Variants in NSD3 observed in about 807,000 individuals in gnomAD.
The protein encoded by NSD3 is histone-lysine N-methyltransferase NSD3.
NSD3 carries 24 observed loss-of-function variants against 160.8 expected under a neutral mutation model. That is an observed-to-expected ratio of 0.15 (90% CI 0.11 to 0.21). The LOEUF (loss-of-function observed/expected upper bound fraction) is 0.21, where lower values mean the gene tolerates loss of function less well. Ranked by LOEUF, NSD3 falls within the 10% of genes least tolerant of loss-of-function variation. The pLI is 1.00. For synonymous variants in NSD3, 520 were observed against 600.0 expected, an observed-to-expected ratio of 0.87 and a Z score of 1.95; for missense variants, 1,157 against 1,735.9, an observed-to-expected ratio of 0.67 and a Z score of 5.93.
At chr8:38,358,317 A>G (rs532147703) in intron 1 of NSD3, among the ~76,000 whole-genome samples, 2 of 152,298 alleles carry the variant, frequency 1.3e-5, no homozygotes, top group South Asian at 4.1e-4. Context: ...GATTTTCACA[A>G]CACAGAGGAA....
intron 1 of NSD3, among the ~76,000 whole-genome samples, chr8:38,375,036 A>G (rs1811355780): frequency 6.6e-6 from 1 of 152,106 alleles, no homozygotes; most frequent in Admixed American, 6.5e-5. Flanking sequence ...TAAATAAATA[A>G]TAATTCTTGT....
intron 12 of NSD3, among the ~76,000 whole-genome samples, chr8:38,310,948 A>T (rs1392576225): frequency 6.6e-6 from 1 of 151,814 alleles, no homozygotes; most frequent in African/African-American, 2.4e-5. Flanking sequence ...AACAATGCAC[A>T]AGGGTTCCAA....
intron 17 of NSD3, among the ~76,000 whole-genome samples, chr8:38,289,910 A>G (rs1325480160): frequency 6.6e-6 from 1 of 152,188 alleles, no homozygotes; most frequent in East Asian, 1.9e-4. Context: ...AAGGAACTTC[A>G]CTTGATTAAA....
chr8:38,300,594 G>A (rs1183423048), intron 14 of NSD3, among the ~76,000 whole-genome samples: 1 of 152,114 alleles, frequency 6.6e-6, no homozygotes, highest in Non-Finnish European at 1.5e-5. Context: ...CAATCTTTTT[G>A]ATCTACCAAT....
At chr8:38,334,773 A>C (rs1381204054) in intron 4 of NSD3, among the ~76,000 whole-genome samples, 1 of 152,058 alleles carries the variant, frequency 6.6e-6, no homozygotes, top group African/African-American at 2.4e-5. Context: ...AACAAACAAA[A>C]AAAACAGGTG....
At chr8:38,313,045 T>A (rs1809570954) in intron 12 of NSD3, among the ~76,000 whole-genome samples, 1 of 152,214 alleles carries the variant, frequency 6.6e-6, no homozygotes, top group Non-Finnish European at 1.5e-5. Flanking sequence ...AATAAAACGA[T>A]GTGCAGATAA....
At chr8:38,289,330 T>C (rs564550566) in intron 18 of NSD3, 63 bp downstream of exon 18, 13 of 1,406,518 alleles carry the variant, frequency 9.2e-6, no homozygotes, top group East Asian at 2.3e-5. Context: ...AATGCTTTCA[T>C]AGTAAAGACT....
rs1379052622 is a variant in NSD3, at chr8:38,273,171, T to G, written c.*2470A>C. ...TGCCACCATGCCCGGCTCCTTTTTGTATTTTTAGCAGAGACAGGGTTTCAC... is the reference window on the plus strand; with the variant it reads ...TGCCACCATGCCCGGCTCCTTTTTGGATTTTTAGCAGAGACAGGGTTTCAC... On this transcript the variant is annotated 3_prime_UTR_variant, in exon 24 of 24. Transcript: ENST00000317025. 1 of 152,200 alleles carries G rather than the reference T, an allele frequency of 6.6e-6. No individual in the cohort carries two copies. The highest frequency in any genetic ancestry group is 1.9e-4 in the East Asian group (1 of 5,202). 9.4% of individuals were successfully genotyped at this position (152,200 alleles called of 1,614,324 possible). A position where few individuals can be genotyped will look rare whatever the true frequency, so the allele number is the denominator to read the frequency against.
intron 1 of NSD3, among the ~76,000 whole-genome samples, chr8:38,373,934 CAAAAAAAA>C (rs61532119): frequency 1.6e-3 from 41 of 25,146 alleles, no homozygotes; most frequent in African/African-American, 5.2e-3. Flanking sequence ...TCTGTCTCTA[CAAAAAAAA>C]AAAAAAAAAA....
rs906450648 is a variant in NSD3, at chr8:38,274,516, C to T, written c.*1125G>A. ...TCTTTACATGTAACCTGGGGATGCC[C>T]CTACTACTTTCACCCCCCAAATTAG... is the stretch of plus-strand genomic sequence containing the variant. On this transcript the variant is annotated 3_prime_UTR_variant, in exon 24 of 24. Transcript: ENST00000317025. 2 of 152,148 alleles carry T rather than the reference C, an allele frequency of 1.3e-5. No homozygotes were observed. Among genetic ancestry groups the T allele is most frequent in the South Asian group, 4.1e-4 (2 of 4,826 alleles). 9.4% of individuals were successfully genotyped at this position (152,148 alleles called of 1,614,324 possible). A position where few individuals can be genotyped will look rare whatever the true frequency, so the allele number is the denominator to read the frequency against.
chr8:38,287,651 C>T (rs1177821030), intron 19 of NSD3, among the ~76,000 whole-genome samples: 2 of 151,480 alleles, frequency 1.3e-5, no homozygotes, highest in Non-Finnish European at 2.9e-5. Flanking sequence ...AAATTACAAA[C>T]CTGATTTTTT....
intron 16 of NSD3, among the ~76,000 whole-genome samples, chr8:38,294,023 T>A (rs1448688213): frequency 6.6e-6 from 1 of 151,894 alleles, no homozygotes; most frequent in Non-Finnish European, 1.5e-5. Flanking sequence ...GAATAGTATC[T>A]ATTTTCTTTG....
chr8:38,341,487 G>A (rs925141757), intron 2 of NSD3, among the ~76,000 whole-genome samples: 1 of 150,342 alleles, frequency 6.7e-6, no homozygotes, highest in African/African-American at 2.5e-5. Flanking sequence ...GCACTGAGCT[G>A]AGATTACACC....
At chr8:38,324,901 T>C (rs1175428675) in intron 7 of NSD3, among the ~76,000 whole-genome samples, 7 of 152,238 alleles carry the variant, frequency 4.6e-5, no homozygotes, top group Admixed American at 2.0e-4. Context: ...CGAAGGTGCC[T>C]GTAGGGTGGC....
At chr8:38,356,244 G>A (rs1168902658) in intron 1 of NSD3, among the ~76,000 whole-genome samples, 3 of 152,104 alleles carry the variant, frequency 2.0e-5, no homozygotes, top group African/African-American at 7.2e-5. Context: ...TTCTAATTTT[G>A]CTGAAACTAT....
chr8:38,309,788 T>C (rs183627735), intron 12 of NSD3, among the ~76,000 whole-genome samples: 179 of 152,370 alleles, frequency 1.2e-3, no homozygotes, highest in Middle Eastern at 3.4e-3. Flanking sequence ...TAAAGATGCT[T>C]TCTTTCCAGA....
At chr8:38,311,292 C>A (rs1419823916) in intron 12 of NSD3, among the ~76,000 whole-genome samples, 1 of 152,014 alleles carries the variant, frequency 6.6e-6, no homozygotes, top group East Asian at 1.9e-4. Flanking sequence ...GAACTATCTG[C>A]TCAAGATCTT....
intron 17 of NSD3, 67 bp downstream of exon 17, chr8:38,290,408 G>T: frequency 6.7e-7 from 1 of 1,498,604 alleles, no homozygotes; most frequent in Non-Finnish European, 9.3e-7. Context: ...TTAGGGAGGT[G>T]AGGAGATGTT....
chr8:38,359,673 A>G (rs1810911860), intron 1 of NSD3, among the ~76,000 whole-genome samples: 2 of 152,256 alleles, frequency 1.3e-5, no homozygotes, highest in African/African-American at 4.8e-5. Flanking sequence ...CAAAAGCAAT[A>G]ACCAAATTTG....
Sources: gnomAD v4.1 joint callset for allele counts (sites outside exome capture counted in the v4.1 genomes callset) on GRCh38, gnomAD v4.1.1 for gene constraint, MANE v1.5 for transcripts, NCBI Gene and HGNC (gene_info 2026-07-23, HGNC 2026-07-21) for gene names.